Variants in SDK2 observed in about 807,000 individuals in gnomAD.
The protein encoded by SDK2 is protein sidekick-2.
SDK2 carries 105 observed loss-of-function variants against 253.9 expected under a neutral mutation model. That is an observed-to-expected ratio of 0.41 (90% confidence interval 0.35 to 0.49). SDK2 has a LOEUF of 0.49. SDK2 is among the 20% of genes least tolerant of loss of function. The pLI, the probability that SDK2 is intolerant of heterozygous loss-of-function variation, is 0.06. For synonymous variants in SDK2, 1,249 were observed against 1,234.9 expected (o/e 1.01, Z -0.24); for missense variants, 2,608 against 3,003.0 (o/e 0.87, Z 3.07).
intron 1 of SDK2, among the ~76,000 whole-genome samples, chr17:73,552,055 A>G (rs887080976): frequency 6.6e-6 from 1 of 152,116 alleles, no homozygotes; most frequent in East Asian, 1.9e-4. Flanking sequence ...GTGCCGCTGC[A>G]GTCCCCACCG....
chr17:73,341,114 C>T (rs1167785997), intron 44 of SDK2, among the ~76,000 whole-genome samples: 2 of 150,716 alleles, frequency 1.3e-5, no homozygotes. Context: ...AACTCCTGGG[C>T]CTAAACTATG....
At chr17:73,426,852 C>G (rs191885395) in intron 12 of SDK2, among the ~76,000 whole-genome samples, 5 of 151,810 alleles carry the variant, frequency 3.3e-5, no homozygotes, top group Non-Finnish European at 7.4e-5. Context: ...TTTGGGAGGC[C>G]GAGGCTGGCG....
chr17:73,549,552 A>C (rs1325786405), intron 1 of SDK2, among the ~76,000 whole-genome samples: 1 of 152,006 alleles, frequency 6.6e-6, no homozygotes, highest in Non-Finnish European at 1.5e-5. Flanking sequence ...GTGTCATGCT[A>C]TGGGGGAAGT....
chr17:73,600,814 T>C (rs553687731), intron 1 of SDK2, among the ~76,000 whole-genome samples: 131 of 152,174 alleles, frequency 8.6e-4, no homozygotes, highest in Non-Finnish European at 1.5e-3. Flanking sequence ...TTCCCTGTCC[T>C]TGGAGCAGCT....
chr17:73,387,889 C>T lies in SDK2; in HGVS notation c.4341G>A (p.Trp1447Ter). Residue 1447 changes from tryptophan (W) to a stop codon, truncating the protein, a stop_gained, in exon 30 of 45, where the codon TGG becomes TGA. Transcript: ENST00000392650. LOFTEE classifies it high-confidence loss of function. ...GGCTCACGGAGGCCGAGTGCAGTGC[C>T]CACCTGCCGCTGGGCAGCTCGCGGG... ...IQTRELPSGR[W>*]ALHSASVSHN... 6.3e-7 allele frequency: 1 copy of T among 1,590,956 alleles called. No homozygotes were observed. Among genetic ancestry groups the T allele is most frequent in the Non-Finnish European group, 8.5e-7 (1 of 1,169,816 alleles).
At chr17:73,566,209 A>C (rs12600872) in intron 1 of SDK2, among the ~76,000 whole-genome samples, 60,515 of 151,872 alleles carry the variant, frequency 0.4, 13,503 homozygotes, top group African/African-American at 0.62. Context: ...CTCCCCTTCA[A>C]CTTCTGGCAT....
chr17:73,545,011 T>TTCCTTGGGCCTCCACTCCTTCC (rs2044934623), intron 1 of SDK2, among the ~76,000 whole-genome samples: 1 of 152,150 alleles, frequency 6.6e-6, no homozygotes, highest in Non-Finnish European at 1.5e-5. Flanking sequence ...CCACTCCTTC[T>TTCCTTGGGCCTCCACTCCTTCC]TCCTTGGGCC....
chr17:73,417,758 C>A (rs1222957781), intron 16 of SDK2, among the ~76,000 whole-genome samples: 1 of 152,060 alleles, frequency 6.6e-6, no homozygotes, highest in East Asian at 1.9e-4. Flanking sequence ...AATGAAACAC[C>A]TGGGCTACCT....
intron 1 of SDK2, among the ~76,000 whole-genome samples, chr17:73,562,909 C>T (rs2045258506): frequency 1.3e-5 from 2 of 152,264 alleles, no homozygotes; most frequent in Admixed American, 6.5e-5. Flanking sequence ...AATTGAGGCA[C>T]GCAGAAGCAC....
At chr17:73,572,786 C>A (rs1486985554) in intron 1 of SDK2, among the ~76,000 whole-genome samples, 1 of 152,178 alleles carries the variant, frequency 6.6e-6, no homozygotes, top group Non-Finnish European at 1.5e-5. Context: ...CTTCTGTGTC[C>A]TCAGCCCTCA....
intron 39 of SDK2, among the ~76,000 whole-genome samples, chr17:73,359,032 G>A (rs372196830): frequency 3.3e-5 from 5 of 152,158 alleles, no homozygotes; most frequent in African/African-American, 9.6e-5. Context: ...GGGGGTGCCC[G>A]TCCAGAATCC....
chr17:73,578,408 T>C (rs906999092), intron 1 of SDK2, among the ~76,000 whole-genome samples: 1 of 152,300 alleles, frequency 6.6e-6, no homozygotes, highest in African/African-American at 2.4e-5. Flanking sequence ...TTTGGACCTC[T>C]GACCTCCCAA....
At chr17:73,551,367 G>A (rs1045235236) in intron 1 of SDK2, among the ~76,000 whole-genome samples, 2 of 152,092 alleles carry the variant, frequency 1.3e-5, no homozygotes, top group African/African-American at 4.8e-5. Flanking sequence ...GAACAGAAAC[G>A]CGGCCTGGGC....
intron 2 of SDK2, among the ~76,000 whole-genome samples, chr17:73,478,486 C>T (rs976325792): frequency 1.3e-5 from 2 of 152,200 alleles, no homozygotes; most frequent in African/African-American, 4.8e-5. Context: ...CTCGTCATCT[C>T]CATCACAGAT....
chr17:73,425,079 G>T (rs1304619472), intron 12 of SDK2, among the ~76,000 whole-genome samples: 2 of 152,174 alleles, frequency 1.3e-5, no homozygotes, highest in Non-Finnish European at 2.9e-5. Flanking sequence ...AATTTGCCGG[G>T]CGTGGTGGCC....
At chr17:73,628,730 C>G (rs1471832260) in intron 1 of SDK2, among the ~76,000 whole-genome samples, 2 of 152,246 alleles carry the variant, frequency 1.3e-5, no homozygotes, top group East Asian at 3.8e-4. Flanking sequence ...CTGGTCACTC[C>G]TCCTCCCTGA....
chr17:73,483,661 GTATATATATA>G (rs61050632), intron 2 of SDK2, among the ~76,000 whole-genome samples: 1,418 of 70,116 alleles, frequency 0.02, 117 homozygotes, highest in Middle Eastern at 0.036. Context: ...GTGTGTGTGT[GTATATATATA>G]TATATATATA....
chr17:73,612,469 C>T lies in SDK2; in HGVS notation c.64+31556G>A, dbSNP rs181483189. On this transcript the variant is annotated intron_variant, in intron 1 of 44. Coordinates refer to ENST00000392650, the MANE Select transcript of SDK2 (RefSeq NM_001144952.2). This position sits in a 1 kb window ranked among gnomAD's most constrained non-coding sequence, Gnocchi z 4.4. ...CCTCACTGGGTCCTTGTGGCCCTGC[C>T]GGGGTGAGGGTAGAAGAGGAGGCCA... 3.3e-5 allele frequency among the ~76,000 whole-genome samples: 5 copies of T among 152,136 alleles called. No individual in the cohort carries two copies. Among genetic ancestry groups the T allele is most frequent in the East Asian group, 1.9e-4 (1 of 5,196 alleles).
chr17:73,366,150 G>A (rs895793621), intron 37 of SDK2, among the ~76,000 whole-genome samples: 2 of 152,168 alleles, frequency 1.3e-5, no homozygotes, highest in South Asian at 2.1e-4. Context: ...ACCTGCTTCC[G>A]GCTCCAGCCC....
Sources: gnomAD v4.1 joint callset for allele counts (sites outside exome capture counted in the v4.1 genomes callset) on GRCh38, gnomAD v4.1.1 for gene constraint, Gnocchi (gnomAD v3.1) non-coding constraint, MANE v1.5 for transcripts, NCBI Gene and HGNC (gene_info 2026-07-23, HGNC 2026-07-21) for gene names.